COL4A4: variants seen among roughly 807,000 people sequenced by gnomAD.
COL4A4 encodes collagen alpha-4(IV) chain.
Under a neutral mutation model 192.9 loss-of-function variants are expected in COL4A4, and 105 were observed. That is an observed-to-expected ratio of 0.54 (90% confidence interval 0.46 to 0.64). The LOEUF (loss-of-function observed/expected upper bound fraction) is 0.64. COL4A4 is among the 30% of genes least tolerant of loss of function. COL4A4 has a pLI of 0.00. For synonymous variants in COL4A4, 762 were observed against 769.9 expected, an observed-to-expected ratio of 0.99 and a Z score of 0.17; for missense variants, 1,967 against 2,169.3, an observed-to-expected ratio of 0.91 and a Z score of 1.85.
Position 227,060,113 on chromosome 2 carries a change from A to AAAAAC in COL4A4, c.2164+22_2164+23insGTTTT, listed in dbSNP as rs1553644205. The AAAAAC allele has an allele frequency of 3.9e-6, 5 of 1,269,838 alleles. No homozygotes were observed. The African/African-American group carries it at 4.6e-5, about 12-fold the overall frequency. 78.7% of individuals were successfully genotyped at this position (1,269,838 alleles called of 1,614,324 possible). A position where few individuals can be genotyped will look rare whatever the true frequency, so the allele number is the denominator to read the frequency against. ...TATTCCCAAAGCAGAAAAAAAAAAAAAAAAAAAAAAAACCTCACTGACCAG... is the reference window on the plus strand; with the variant it reads ...TATTCCCAAAGCAGAAAAAAAAAAAAAAAACAAAAAAAAAAAACCTCACTGACCAG... On this transcript the variant is annotated intron_variant, in intron 27 of 47. Transcript: ENST00000396625.
chr2:227,007,260 A>C lies in COL4A4; in HGVS notation c.*65T>G. On this transcript the variant is annotated 3_prime_UTR_variant, in exon 48 of 48. Transcript: ENST00000396625. ...TGAGCACCATGACATCTCTTAGCAC[A>C]GTCTAGGAAGTCTTAGCCCCCTAGG... 1 of 1,599,242 alleles carries C rather than the reference A, an allele frequency of 6.3e-7. No individual in the cohort carries two copies. The highest frequency in any genetic ancestry group is 8.6e-7 in the Non-Finnish European group (1 of 1,167,010).
chr2:227,088,535 AT>A (rs2059724132), intron 22 of COL4A4, 117 bp downstream of exon 22: 4 of 1,364,214 alleles, frequency 2.9e-6, no homozygotes, highest in Non-Finnish European at 4.2e-6. Context: ...CTGCGAGTCA[AT>A]TAAACCTCTT....
At chr2:226,983,002 A>G in the COL4A4 span, among the ~76,000 whole-genome samples, 1 of 152,254 alleles carries the variant, frequency 6.6e-6, no homozygotes, top group Non-Finnish European at 1.5e-5. Flanking sequence ...TAACCTAGGA[A>G]ACTACCAGTC....
chr2:227,062,219 A>C (rs1255648436), intron 26 of COL4A4, among the ~76,000 whole-genome samples: 2 of 133,722 alleles, frequency 1.5e-5, no homozygotes, highest in Admixed American at 7.6e-5. Context: ...CCCGGGAGAC[A>C]AAGTGAGACT....
intron 1 of COL4A4, among the ~76,000 whole-genome samples, chr2:227,161,240 G>T (rs1049786577): frequency 6.6e-6 from 1 of 152,174 alleles, no homozygotes; most frequent in South Asian, 2.1e-4. Context: ...TGCCCTAATG[G>T]GGCTTACATT....
chr2:227,041,078 T>C (rs1013773759), intron 37 of COL4A4, among the ~76,000 whole-genome samples: 3 of 152,158 alleles, frequency 2.0e-5, no homozygotes, highest in Non-Finnish European at 2.9e-5. Flanking sequence ...AAAAAGATGA[T>C]GAACACTAAT....
At chr2:227,042,649 A>C (rs1971685754) in intron 36 of COL4A4, among the ~76,000 whole-genome samples, 1 of 152,174 alleles carries the variant, frequency 6.6e-6, no homozygotes, top group Non-Finnish European at 1.5e-5. Flanking sequence ...GGCCAGACAC[A>C]GTGGCTCATG....
At chr2:227,112,607 ATGCCACTTAAG>A (rs2061278460) in intron 8 of COL4A4, among the ~76,000 whole-genome samples, 1 of 152,168 alleles carries the variant, frequency 6.6e-6, no homozygotes, top group African/African-American at 2.4e-5. Context: ...AGTTCACTTA[ATGCCACTTAAG>A]TGGCATTAAG....
At chr2:227,101,029 C>T (rs957958621) in intron 17 of COL4A4, among the ~76,000 whole-genome samples, 31 of 152,194 alleles carry the variant, frequency 2.0e-4, no homozygotes, top group East Asian at 3.9e-4. Context: ...AGGATGGTCT[C>T]GATCTCCTGA....
Position 227,082,180 on chromosome 2 carries a change from T to C in COL4A4, c.1631A>G (p.His544Arg). The C allele has an allele frequency of 6.2e-7, 1 of 1,614,028 alleles. No homozygotes were observed. Among genetic ancestry groups the C allele is most frequent in the Non-Finnish European group, 8.5e-7 (1 of 1,179,874 alleles). The part of the protein sequence containing the change: ...AEGPPGLPGK[H>R]GASGPPGNKG... The stretch of plus-strand genomic sequence containing the variant: ...GTTGCCAGGTGGTCCAGAGGCACCA[T>C]GCTTTCCCTTGGTGAAAAATAAGAG... Residue 544 changes from histidine to arginine, a missense_variant, in exon 23 of 48, where the codon CAT becomes CGT. Coordinates refer to ENST00000396625, the MANE Select transcript of COL4A4 (RefSeq NM_000092.5).
chr2:227,038,284 T>C (rs184045295), intron 37 of COL4A4, among the ~76,000 whole-genome samples: 95 of 152,350 alleles, frequency 6.2e-4, no homozygotes, highest in Non-Finnish European at 1.2e-3. Flanking sequence ...ATTCTGAATA[T>C]GGCTAGCCAG....
chr2:227,140,263 G>C, intron 3 of COL4A4, 25 bp from the exon 4 acceptor site: 1 of 1,595,280 alleles, frequency 6.3e-7, no homozygotes, highest in Non-Finnish European at 8.6e-7. Context: ...ATCTTATTTA[G>C]TATACCAGTA....
intron 25 of COL4A4, among the ~76,000 whole-genome samples, chr2:227,073,125 A>G (rs1325446081): frequency 3.3e-5 from 5 of 152,066 alleles, no homozygotes; most frequent in African/African-American, 4.8e-5. Flanking sequence ...TGCCGATAAT[A>G]TGATTGTACA....
At chr2:227,041,872 A>AAGAGAGAGAGAGAGAGAG (rs1243282932) in intron 37 of COL4A4, among the ~76,000 whole-genome samples, 1 of 128,594 alleles carries the variant, frequency 7.8e-6, no homozygotes, top group African/African-American at 3.1e-5. Context: ...GAAAGAAAGA[A>AAGAGAGAGAGAGAGAGAG]AGAAAGAAAG....
chr2:227,070,135 C>T (rs1026392450), intron 25 of COL4A4, among the ~76,000 whole-genome samples: 1 of 152,152 alleles, frequency 6.6e-6, no homozygotes, highest in Non-Finnish European at 1.5e-5. Context: ...CCATCACTGG[C>T]CATCAGAGAA....
At chr2:227,051,847 T>C (rs1974172043) in intron 32 of COL4A4, among the ~76,000 whole-genome samples, 1 of 152,134 alleles carries the variant, frequency 6.6e-6, no homozygotes, top group Non-Finnish European at 1.5e-5. Context: ...AATTTTAGCA[T>C]GGAGAAGCAA....
At chr2:227,012,418 T>G in intron 44 of COL4A4, 121 bp from the exon 45 acceptor site, 1 of 760,324 alleles carries the variant, frequency 1.3e-6, no homozygotes, top group Non-Finnish European at 2.3e-6. Flanking sequence ...TTTGACTGAA[T>G]GCATCAGCTC....
chr2:227,118,619 G>A (rs1559670469), intron 7 of COL4A4, 26 bp downstream of exon 7: 1 of 1,522,054 alleles, frequency 6.6e-7, no homozygotes. Flanking sequence ...TAAGATTCCT[G>A]TTAAGATGAA....
Position 227,077,927 on chromosome 2 carries a change from C to T in COL4A4, c.1954G>A (p.Val652Met). The change falls in exon 25 of 48, where the codon GTG (valine) becomes ATG (methionine). Residue 652 changes from valine (V) to methionine (M), a missense_variant. By Grantham distance (21) the Val-to-Met change is conservative (BLOSUM62 1). Transcript: ENST00000396625. ...GHPGVPGHPG[V>M]RGPDGLKGQK... ...CCCTTCAAGCCATCAGGGCCCCTCA[C>T]ACCTGGGTGGCCTGGAACTCCTGGG... 1.9e-6 allele frequency: 3 copies of T among 1,613,554 alleles called. No homozygotes were observed. Among genetic ancestry groups the T allele is most frequent in the South Asian group, 1.1e-5 (1 of 91,064 alleles).
Sources: allele counts gnomAD v4.1 joint callset (sites outside exome capture counted in the v4.1 genomes callset), GRCh38; gene constraint gnomAD v4.1.1; transcripts MANE v1.5; gene names NCBI Gene and HGNC (gene_info 2026-07-23, HGNC 2026-07-21).